WASF1: variants seen among roughly 807,000 people sequenced by gnomAD.
WASF1 encodes the protein actin-binding protein WASF1.
A neutral mutation model predicts 50.5 loss-of-function variants in WASF1; 7 were observed. The observed-to-expected ratio is 0.14, with a 90% CI of 0.08 to 0.26. The LOEUF is 0.26. Among genes scored for constraint, WASF1 ranks in the 10% least tolerant of loss-of-function variants. WASF1 has a pLI of 1.00. For missense variants in WASF1, 470 were observed against 694.7 expected (o/e 0.68, Z 3.64); for synonymous variants, 205 against 244.0 (o/e 0.84, Z 1.49).
At chr6:110,153,595 A>AT (rs1288628047) in intron 3 of WASF1, among the ~76,000 whole-genome samples, 1 of 152,056 alleles carries the variant, frequency 6.6e-6, no homozygotes, top group East Asian at 1.9e-4. Context: ...TTTAATTTGC[A>AT]TTTTTCTATC....
Position 110,100,417 on chromosome 6 carries a change from T to C in WASF1, c.*105A>G. On this transcript the variant is annotated 3_prime_UTR_variant, in exon 11 of 11. Transcript: ENST00000392589. ...TATGGAGGAAAAGGGTCATTTATTATAAGGAAAAGAAAGCAAAACACTAGA... is the reference window on the plus strand; with the variant it reads ...TATGGAGGAAAAGGGTCATTTATTACAAGGAAAAGAAAGCAAAACACTAGA... 7 of 1,092,870 alleles carry C rather than the reference T, an allele frequency of 6.4e-6. No homozygotes were observed. The highest frequency in any genetic ancestry group is 8.7e-6 in the Non-Finnish European group (7 of 808,662). The allele number at this position is 1,092,870 out of a possible 1,614,324, so 67.7% of individuals were successfully genotyped here.
At chr6:110,133,014 A>G (rs1774763945) in intron 3 of WASF1, among the ~76,000 whole-genome samples, 1 of 151,028 alleles carries the variant, frequency 6.6e-6, no homozygotes, top group African/African-American at 2.4e-5. Context: ...GCCATAAAAA[A>G]GAATGAAAAT....
intron 3 of WASF1, among the ~76,000 whole-genome samples, chr6:110,144,211 A>G (rs1435242261): frequency 7.2e-5 from 11 of 152,076 alleles, no homozygotes; most frequent in African/African-American, 2.7e-4. Flanking sequence ...CTCTAATGAC[A>G]AGTGATGATG....
At chr6:110,136,217 A>G (rs956498485) in intron 3 of WASF1, among the ~76,000 whole-genome samples, 2 of 152,142 alleles carry the variant, frequency 1.3e-5, no homozygotes, top group Non-Finnish European at 2.9e-5. Flanking sequence ...AATGTCCTTG[A>G]AAAGTTTTTT....
At chr6:110,110,120 T>C (rs1236877686) in intron 5 of WASF1, among the ~76,000 whole-genome samples, 1 of 152,258 alleles carries the variant, frequency 6.6e-6, no homozygotes, top group Non-Finnish European at 1.5e-5. Flanking sequence ...CAGTATTTAA[T>C]GAGTACATAC....
chr6:110,161,730 G>A (rs542101072), intron 2 of WASF1, among the ~76,000 whole-genome samples: 72 of 151,564 alleles, frequency 4.8e-4, no homozygotes, highest in African/African-American at 1.7e-3. Context: ...TTACAATGAT[G>A]TTTACATTCC....
At chr6:110,158,516 T>C (rs1408425773) in intron 3 of WASF1, among the ~76,000 whole-genome samples, 1 of 130,884 alleles carries the variant, frequency 7.6e-6, no homozygotes, top group Non-Finnish European at 1.6e-5. Flanking sequence ...AGCTCCTGGA[T>C]TCATTGATTT....
chr6:110,178,224 T>C (rs941286380), intron 2 of WASF1, among the ~76,000 whole-genome samples: 3 of 152,098 alleles, frequency 2.0e-5, no homozygotes, highest in African/African-American at 7.2e-5. Flanking sequence ...ATACAAAACT[T>C]TTCTTATTCA....
Position 110,111,225 on chromosome 6 carries a change from C to G in WASF1, c.268+2101G>C, listed in dbSNP as rs578248194. On this transcript the variant is annotated intron_variant, in intron 5 of 10. Transcript: ENST00000392589. Reference sequence around the variant, plus strand: ...TTTAAGTGATAAGCAGTTGAGTTATCTGAAAAACAAATTTTGGCTATAAAT... The same window carrying G: ...TTTAAGTGATAAGCAGTTGAGTTATGTGAAAAACAAATTTTGGCTATAAAT... Among the ~76,000 whole-genome samples, 7 of 151,968 alleles carry G rather than the reference C, an allele frequency of 4.6e-5. 1 individual carries two copies. The highest frequency in any genetic ancestry group is 1.4e-4 in the African/African-American group (6 of 41,472).
intron 3 of WASF1, among the ~76,000 whole-genome samples, chr6:110,154,246 A>C (rs988526859): frequency 2.0e-5 from 3 of 152,132 alleles, no homozygotes; most frequent in Non-Finnish European, 4.4e-5. Context: ...ATACAATACA[A>C]TATCATATGG....
At chr6:110,117,326 T>C (rs995207165) in intron 4 of WASF1, among the ~76,000 whole-genome samples, 5 of 152,182 alleles carry the variant, frequency 3.3e-5, no homozygotes, top group African/African-American at 7.2e-5. Flanking sequence ...AATGACCTGA[T>C]GGAGCTGAAA....
intron 1 of WASF1, among the ~76,000 whole-genome samples, chr6:110,178,996 A>G (rs1314823853): frequency 6.6e-6 from 1 of 152,228 alleles, no homozygotes; most frequent in East Asian, 1.9e-4. Flanking sequence ...CGGAGCAAAC[A>G]CGCAAACGCA....
intron 2 of WASF1, among the ~76,000 whole-genome samples, chr6:110,175,196 T>C (rs1399223482): frequency 6.6e-6 from 1 of 152,092 alleles, no homozygotes; most frequent in African/African-American, 2.4e-5. Context: ...CTTAAAAAAA[T>C]TCTATGGAGA....
intron 3 of WASF1, among the ~76,000 whole-genome samples, chr6:110,142,440 C>T: frequency 6.6e-6 from 1 of 152,088 alleles, no homozygotes; most frequent in East Asian, 1.9e-4. Context: ...TATTTCTCTA[C>T]CTTATTCCTT....
chr6:110,110,250 C>G (rs1472185128), intron 5 of WASF1, among the ~76,000 whole-genome samples: 5 of 152,186 alleles, frequency 3.3e-5, no homozygotes, highest in African/African-American at 7.2e-5. Context: ...TAGTATATAA[C>G]TGACCTGAGG....
chr6:110,164,732 A>G lies in WASF1; in HGVS notation c.-126-4000T>C, dbSNP rs150447620. Among the ~76,000 whole-genome samples the G allele has an allele frequency of 2.7e-3, 405 of 151,790 alleles. 1 individual carries two copies. Among genetic ancestry groups the G allele is most frequent in the African/African-American group, 9.4e-3 (392 of 41,516 alleles). On this transcript the variant is annotated intron_variant, in intron 2 of 10. Coordinates refer to ENST00000392589, the MANE Select transcript of WASF1 (RefSeq NM_003931.3). Reference sequence around the variant, plus strand: ...CAAAGAGGTGAAAACTTACACCCATACAAAAATGTCAACATCGATGTTTTA... The same window carrying G: ...CAAAGAGGTGAAAACTTACACCCATGCAAAAATGTCAACATCGATGTTTTA...
intron 2 of WASF1, among the ~76,000 whole-genome samples, chr6:110,162,299 T>C (rs1472941749): frequency 6.6e-6 from 1 of 151,290 alleles, no homozygotes; most frequent in Non-Finnish European, 1.5e-5. Context: ...TTATTCAGCA[T>C]TCTCAAAACA....
intron 3 of WASF1, among the ~76,000 whole-genome samples, chr6:110,151,948 G>GA (rs531020052): frequency 6.6e-6 from 1 of 151,386 alleles, no homozygotes; most frequent in Non-Finnish European, 1.5e-5. Flanking sequence ...GTCCTTTTTA[G>GA]AAAAAAAATA....
In WASF1 at chr6:110,103,541, C is replaced by A; in HGVS notation, c.730G>T (p.Asp244Tyr). Residue 244 changes from aspartate (D) to tyrosine (Y), a missense_variant, in exon 9 of 11, where the codon GAT (aspartate) becomes TAT (tyrosine). Around this residue, in one of 3 missense-constraint regions of WASF1, gnomAD observed 294 missense variants for 343.5 expected, o/e 0.86. Coordinates refer to ENST00000392589, the MANE Select transcript of WASF1 (RefSeq NM_003931.3). ...HFETRPQTYVDHMDGSYSLSA... is the reference protein window; with the variant it reads ...HFETRPQTYVYHMDGSYSLSA... ...AGTGAGTAAGATCCATCCATATGATCCACGTATGTCTGAGGTCTAAAAGAA... is the reference window on the plus strand; with the variant it reads ...AGTGAGTAAGATCCATCCATATGATACACGTATGTCTGAGGTCTAAAAGAA... 6.2e-7 allele frequency: 1 copy of A among 1,611,972 alleles called. No homozygotes were observed. Among genetic ancestry groups the A allele is most frequent in the Non-Finnish European group, 8.5e-7 (1 of 1,178,864 alleles).
Sources: gnomAD v4.1 joint callset for allele counts (sites outside exome capture counted in the v4.1 genomes callset) on GRCh38, gnomAD v4.1.1 for gene constraint, gnomAD v4.1.1 regional missense constraint, MANE v1.5 for transcripts, NCBI Gene and HGNC (gene_info 2026-07-23, HGNC 2026-07-21) for gene names.